The following PPARGC1A variants were observed in gnomAD, a reference collection of about 807,000 sequenced individuals.
PPARGC1A encodes the protein peroxisome proliferator-activated receptor gamma coactivator 1-alpha.
A neutral mutation model predicts 88.7 loss-of-function variants in PPARGC1A; 25 were observed. The ratio of observed to expected loss-of-function variants is 0.28; its 90% CI spans 0.21 to 0.39. The LOEUF (loss-of-function observed/expected upper bound fraction) is 0.39, where lower values mean the gene tolerates loss of function less well. Among genes scored for constraint, PPARGC1A ranks in the 10% least tolerant of loss-of-function variants. The probability of loss-of-function intolerance (pLI) is 1.00; values close to 1 mark genes in which losing one functional copy is unlikely to be tolerated. For synonymous variants in PPARGC1A, 363 were observed against 355.6 expected, an observed-to-expected ratio of 1.02 and a Z score of -0.24; for missense variants, 880 against 968.7, an observed-to-expected ratio of 0.91 and a Z score of 1.22.
chr4:23,923,769 G>A, the PPARGC1A span, among the ~76,000 whole-genome samples: 1 of 152,122 alleles, frequency 6.6e-6, no homozygotes, highest in African/African-American at 2.4e-5. Context: ...TTTTTCTTGA[G>A]ATAAAATATT....
chr4:24,467,367 T>C, the PPARGC1A span, among the ~76,000 whole-genome samples: 1 of 152,206 alleles, frequency 6.6e-6, no homozygotes, highest in Non-Finnish European at 1.5e-5. Context: ...TTGCAGTTCA[T>C]ACTACATCTT....
chr4:24,079,325 G>T, the PPARGC1A span, among the ~76,000 whole-genome samples: 1 of 152,010 alleles, frequency 6.6e-6, no homozygotes, highest in Middle Eastern at 3.4e-3. Flanking sequence ...ATCTTTATCA[G>T]TCATGTCCCC....
chr4:24,053,482 C>T, the PPARGC1A span, among the ~76,000 whole-genome samples: 2 of 121,422 alleles, frequency 1.6e-5, no homozygotes, highest in African/African-American at 5.3e-5. Flanking sequence ...TAGGAGAATC[C>T]TAAGGAAAAA....
At chr4:24,169,341 C>A in the PPARGC1A span, among the ~76,000 whole-genome samples, 1 of 152,014 alleles carries the variant, frequency 6.6e-6, no homozygotes, top group Admixed American at 6.6e-5. Flanking sequence ...TGGATGGGAT[C>A]CCAGAACAGA....
the PPARGC1A span, among the ~76,000 whole-genome samples, chr4:24,348,856 T>TG: frequency 6.6e-6 from 1 of 152,192 alleles, no homozygotes; most frequent in African/African-American, 2.4e-5. Context: ...GTGTGATTTT[T>TG]GGGGGGTGCT....
At chr4:23,922,629 C>T in the PPARGC1A span, among the ~76,000 whole-genome samples, 1 of 152,170 alleles carries the variant, frequency 6.6e-6, no homozygotes, top group Admixed American at 6.5e-5. Context: ...TTTCTGCTGG[C>T]ATCTTAGCTT....
chr4:24,312,513 C>T, the PPARGC1A span, among the ~76,000 whole-genome samples: 1 of 149,274 alleles, frequency 6.7e-6, no homozygotes, highest in Non-Finnish European at 1.5e-5. Context: ...CAGAGAAACT[C>T]TTTAATTTTC....
the PPARGC1A span, among the ~76,000 whole-genome samples, chr4:24,431,683 A>G: frequency 6.6e-6 from 1 of 152,190 alleles, no homozygotes; most frequent in Non-Finnish European, 1.5e-5. Flanking sequence ...TTCCAACACA[A>G]TACTTTCCAT....
the PPARGC1A span, among the ~76,000 whole-genome samples, chr4:24,220,283 A>G: frequency 1.3e-5 from 2 of 152,226 alleles, no homozygotes; most frequent in East Asian, 3.8e-4. Flanking sequence ...TGGGAACACA[A>G]ATTAGTTCAG....
the PPARGC1A span, among the ~76,000 whole-genome samples, chr4:24,309,380 T>C: frequency 6.6e-6 from 1 of 151,968 alleles, no homozygotes; most frequent in African/African-American, 2.4e-5. Context: ...GTGAGAAAGA[T>C]TGGAACCTGT....
the PPARGC1A span, among the ~76,000 whole-genome samples, chr4:24,073,285 G>T: frequency 6.6e-6 from 1 of 151,886 alleles, no homozygotes; most frequent in Non-Finnish European, 1.5e-5. Flanking sequence ...CTTGTGATCT[G>T]CCCGCCTCAG....
At chr4:24,246,165 A>G in the PPARGC1A span, among the ~76,000 whole-genome samples, 2 of 152,204 alleles carry the variant, frequency 1.3e-5, no homozygotes, top group Non-Finnish European at 2.9e-5. Context: ...GATCAATCAA[A>G]TAATATTCAT....
the PPARGC1A span, among the ~76,000 whole-genome samples, chr4:24,323,393 G>A: frequency 3.9e-3 from 588 of 152,236 alleles, 7 homozygotes; most frequent in African/African-American, 0.013. Flanking sequence ...AAAAGGCCCT[G>A]CCCCGCCTTA....
chr4:24,459,019 T>C, the PPARGC1A span, among the ~76,000 whole-genome samples: 1 of 152,138 alleles, frequency 6.6e-6, no homozygotes, highest in Non-Finnish European at 1.5e-5. Context: ...TTTTTCAACT[T>C]TTCTAAGAAA....
chr4:24,324,089 G>C, the PPARGC1A span, among the ~76,000 whole-genome samples: 1 of 152,172 alleles, frequency 6.6e-6, no homozygotes, highest in African/African-American at 2.4e-5. Context: ...TCATTGCAGA[G>C]ACGCCTCTGT....
chr4:24,261,105 C>T, the PPARGC1A span, among the ~76,000 whole-genome samples: 1,035 of 151,738 alleles, frequency 6.8e-3, 10 homozygotes, highest in South Asian at 0.026. Flanking sequence ...ATCAGCACAC[C>T]ACATCACCCC....
At chr4:24,071,269 C>T in the PPARGC1A span, among the ~76,000 whole-genome samples, 2 of 152,138 alleles carry the variant, frequency 1.3e-5, no homozygotes. Flanking sequence ...TTTATACTTT[C>T]AGATTTCCTC....
the PPARGC1A span, among the ~76,000 whole-genome samples, chr4:24,282,522 T>A: frequency 6.6e-6 from 1 of 152,244 alleles, no homozygotes; most frequent in Non-Finnish European, 1.5e-5. Flanking sequence ...AACCTGTCCA[T>A]CAGAACGTGT....
the PPARGC1A span, among the ~76,000 whole-genome samples, chr4:24,083,554 CT>C: frequency 6.6e-6 from 1 of 152,168 alleles, no homozygotes; most frequent in African/African-American, 2.4e-5. Context: ...ATTATTTCCC[CT>C]GTGGCCAAAC....
Sources: gnomAD v4.1 joint callset for allele counts (sites outside exome capture counted in the v4.1 genomes callset) on GRCh38, gnomAD v4.1.1 for gene constraint, MANE v1.5 for transcripts, NCBI Gene and HGNC (gene_info 2026-07-23, HGNC 2026-07-21) for gene names.